Variants in NDST4 observed in about 807,000 individuals in gnomAD.
NDST4 encodes the protein N-deacetylase and N-sulfotransferase 4.
Under a neutral mutation model 100.8 loss-of-function variants are expected in NDST4, and 63 were observed. The observed-to-expected ratio is 0.62, with a 90% CI of 0.51 to 0.77. The LOEUF is 0.77. Among genes scored for constraint, NDST4 ranks in the 30% least tolerant of loss-of-function variants. The pLI, the probability that NDST4 is intolerant of heterozygous loss-of-function variation, is 0.00. For missense variants in NDST4, 943 were observed against 1,018.4 expected (o/e 0.93, Z 1.01); for synonymous variants, 377 against 361.8 (o/e 1.04, Z -0.48).
At chr4:115,071,627 G>A (rs1729080266) in intron 2 of NDST4, among the ~76,000 whole-genome samples, 1 of 151,800 alleles carries the variant, frequency 6.6e-6, no homozygotes, top group Non-Finnish European at 1.5e-5. Flanking sequence ...CTATTTCAGA[G>A]TAATATAGAA....
At chr4:114,920,729 T>C (rs1487976441) in intron 6 of NDST4, among the ~76,000 whole-genome samples, 1 of 152,184 alleles carries the variant, frequency 6.6e-6, no homozygotes, top group Non-Finnish European at 1.5e-5. Context: ...TGGTTTTAGT[T>C]AATGTTCTCA....
intron 4 of NDST4, among the ~76,000 whole-genome samples, chr4:114,957,681 T>C (rs1726169380): frequency 2.0e-5 from 3 of 152,166 alleles, no homozygotes; most frequent in South Asian, 4.1e-4. Context: ...CTTCCATCTA[T>C]GACGGTAAAA....
chr4:115,034,164 C>G (rs1728182582), intron 2 of NDST4, among the ~76,000 whole-genome samples: 1 of 152,102 alleles, frequency 6.6e-6, no homozygotes, highest in African/African-American at 2.4e-5. Context: ...AGCAGGTTCA[C>G]ATTTCCTGCT....
intron 5 of NDST4, among the ~76,000 whole-genome samples, chr4:114,935,978 A>G (rs1177418741): frequency 6.6e-6 from 1 of 152,100 alleles, no homozygotes; most frequent in East Asian, 1.9e-4. Context: ...AAATGCATCT[A>G]ATTGCCTACA....
intron 2 of NDST4, among the ~76,000 whole-genome samples, chr4:115,027,077 G>A (rs1418429657): frequency 6.6e-6 from 1 of 152,134 alleles, no homozygotes; most frequent in Non-Finnish European, 1.5e-5. Flanking sequence ...CTATTGGAGT[G>A]TTCATGGGTT....
intron 6 of NDST4, among the ~76,000 whole-genome samples, chr4:114,930,631 T>C (rs1369484462): frequency 6.6e-6 from 1 of 152,164 alleles, no homozygotes; most frequent in Admixed American, 6.5e-5. Flanking sequence ...TGACAGTGTA[T>C]CTTTTTCTTA....
chr4:115,107,895 C>G (rs912545355), intron 1 of NDST4, among the ~76,000 whole-genome samples: 1 of 152,060 alleles, frequency 6.6e-6, no homozygotes, highest in East Asian at 1.9e-4. Context: ...TGAGTTCAAC[C>G]TCGATTGATC....
chr4:115,012,119 C>CA (rs1320456100), intron 2 of NDST4, among the ~76,000 whole-genome samples: 7 of 151,676 alleles, frequency 4.6e-5, no homozygotes, highest in African/African-American at 9.7e-5. Context: ...AAAACAATAA[C>CA]AAAAAATTAC....
At chr4:114,900,147 C>T (rs973951984) in intron 6 of NDST4, among the ~76,000 whole-genome samples, 6 of 151,982 alleles carry the variant, frequency 3.9e-5, no homozygotes, top group African/African-American at 1.2e-4. Context: ...TCTTTATTAT[C>T]CTTACAATGT....
chr4:114,958,654 C>T (rs570405163), intron 4 of NDST4, among the ~76,000 whole-genome samples: 8 of 152,268 alleles, frequency 5.3e-5, no homozygotes, highest in African/African-American at 1.9e-4. Flanking sequence ...CCATTTTTCC[C>T]TCCTATGCCT....
intron 6 of NDST4, among the ~76,000 whole-genome samples, chr4:114,922,226 C>T (rs914414859): frequency 6.6e-6 from 1 of 152,152 alleles, no homozygotes; most frequent in Non-Finnish European, 1.5e-5. Flanking sequence ...AGGAGTGAAG[C>T]GAGCAGGCTC....
Position 114,852,785 on chromosome 4 carries a change from A to C in NDST4, c.1756T>G (p.Ser586Ala), listed in dbSNP as rs764344782. The change falls in exon 8 of 14, where the codon TCC (serine) becomes GCC (alanine). Residue 586 changes from serine to alanine, a missense_variant. Transcript: ENST00000264363. The stretch of plus-strand genomic sequence containing the variant: ...AAGTGGTCACAAGTTTTCTCTCTGG[A>C]CCAGATGTCTTTGTGTCGTTTATCA... Reference protein sequence around the residue: ...CDDKRHKDIWSREKTCDHLPK... With the variant: ...CDDKRHKDIWAREKTCDHLPK... 8.1e-6 allele frequency: 13 copies of C among 1,612,830 alleles called. No homozygotes were observed. Among genetic ancestry groups the C allele is most frequent in the Non-Finnish European group, 1.1e-5 (13 of 1,179,348 alleles).
intron 4 of NDST4, among the ~76,000 whole-genome samples, chr4:114,946,027 T>G (rs1158454489): frequency 6.6e-6 from 1 of 152,186 alleles, no homozygotes; most frequent in Non-Finnish European, 1.5e-5. Context: ...TTTCCGATCC[T>G]AAGTAGAGCT....
chr4:114,873,965 T>C (rs1463912423), intron 6 of NDST4, among the ~76,000 whole-genome samples: 1 of 152,126 alleles, frequency 6.6e-6, no homozygotes, highest in Non-Finnish European at 1.5e-5. Flanking sequence ...TGTACCATCT[T>C]CATCATTTCT....
Position 115,076,690 on chromosome 4 carries a change from T to C in NDST4, c.347A>G (p.Asp116Gly), listed in dbSNP as rs1729192172. 1.9e-6 allele frequency: 3 copies of C among 1,613,882 alleles called. No individual in the cohort carries two copies. In the East Asian group the frequency reaches 6.7e-5, roughly 36 times the overall value. Reference sequence around the variant, plus strand: ...GCCATTATCTGTAAGAGGAGGTATATCTCCCTTTCCAGGGGCAATAACCAT... The same window carrying C: ...GCCATTATCTGTAAGAGGAGGTATACCTCCCTTTCCAGGGGCAATAACCAT... ...YHMVIAPGKGDIPPLTDNGKG... is the reference protein window; with the variant it reads ...YHMVIAPGKGGIPPLTDNGKG... The change falls in exon 2 of 14, where the codon GAT (aspartate) becomes GGT (glycine). Residue 116 changes from aspartate (D) to glycine (G), a missense_variant. Coordinates refer to ENST00000264363, the MANE Select transcript of NDST4 (RefSeq NM_022569.3).
At chr4:115,045,558 T>C (rs187502843) in intron 2 of NDST4, among the ~76,000 whole-genome samples, 5 of 152,084 alleles carry the variant, frequency 3.3e-5, no homozygotes, top group Non-Finnish European at 7.4e-5. Context: ...AAGGGTGATC[T>C]TCCTCTTGCT....
At chr4:114,904,555 C>A (rs1156269941) in intron 6 of NDST4, among the ~76,000 whole-genome samples, 1 of 151,696 alleles carries the variant, frequency 6.6e-6, no homozygotes, top group Admixed American at 6.6e-5. Flanking sequence ...TGTTTTTATG[C>A]CTGAAACTTA....
chr4:114,936,011 G>A (rs555223016), intron 5 of NDST4, among the ~76,000 whole-genome samples: 9 of 149,214 alleles, frequency 6.0e-5, no homozygotes, highest in Non-Finnish European at 1.0e-4. Flanking sequence ...AAAATTATTT[G>A]CTTAATTATC....
intron 6 of NDST4, among the ~76,000 whole-genome samples, chr4:114,874,676 G>A (rs980155985): frequency 6.6e-6 from 1 of 152,116 alleles, no homozygotes; most frequent in African/African-American, 2.4e-5. Flanking sequence ...TGGGCAAATG[G>A]CTTCTTTAAA....
Sources: allele counts gnomAD v4.1 joint callset (sites outside exome capture counted in the v4.1 genomes callset), GRCh38; gene constraint gnomAD v4.1.1; transcripts MANE v1.5; gene names NCBI Gene and HGNC (gene_info 2026-07-23, HGNC 2026-07-21).